CALCOCO1: variants seen among roughly 807,000 people sequenced by gnomAD.
CALCOCO1 encodes calcium-binding and coiled-coil domain-containing protein 1.
A neutral mutation model predicts 86.3 loss-of-function variants in CALCOCO1; 44 were observed. That is an observed-to-expected ratio of 0.51 (90% CI 0.40 to 0.66). The LOEUF (loss-of-function observed/expected upper bound fraction) is 0.66, where lower values mean the gene tolerates loss of function less well. Ranked by LOEUF, CALCOCO1 falls within the 30% of genes least tolerant of loss-of-function variation. The pLI is 0.00. For synonymous variants in CALCOCO1, 297 were observed against 327.6 expected, an observed-to-expected ratio of 0.91 and a Z score of 1.01; for missense variants, 708 against 851.1, an observed-to-expected ratio of 0.83 and a Z score of 2.09.
chr12:53,721,639 G>A (rs760577243), intron 5 of CALCOCO1, 24 bp from the exon 6 acceptor site: 4 of 1,613,814 alleles, frequency 2.5e-6, no homozygotes, highest in Non-Finnish European at 2.5e-6. Context: ...TCCCCCAGAA[G>A]AAAAGGGAGG....
chr12:53,727,031 TCCTCCCCA>T lies in CALCOCO1; in HGVS notation c.-25+365_-25+372del, dbSNP rs1946052974. Reference sequence around the variant, plus strand: ...ATTCTACACCTTGGAAGGTCCCCCTTCCTCCCCAGGGATTCAGCGTCGTAAAGGCCTTT... The same window carrying T: ...ATTCTACACCTTGGAAGGTCCCCCTTGGGATTCAGCGTCGTAAAGGCCTTT... On this transcript the variant is annotated intron_variant, in intron 1 of 14. Coordinates refer to ENST00000550804, the MANE Select transcript of CALCOCO1 (RefSeq NM_020898.3). Among the ~76,000 whole-genome samples the T allele has an allele frequency of 2.0e-5, 3 of 151,994 alleles. No individual in the cohort carries two copies. The South Asian group carries it at 6.2e-4, about 32-fold the overall frequency.
rs1464957248 is a variant in CALCOCO1, at chr12:53,716,985, TA to T, written c.850-571del. On this transcript the variant is annotated intron_variant, in intron 7 of 14. Coordinates refer to ENST00000550804, the MANE Select transcript of CALCOCO1 (RefSeq NM_020898.3). ...GTCATTTCTTGCTTGGACTACTGAA[TA>T]ACTTCATAAATAGTTCATTCTCCAC... Among the ~76,000 whole-genome samples, 4 of 152,372 alleles carry T rather than the reference TA, an allele frequency of 2.6e-5. No homozygotes were observed. The East Asian group carries it at 7.7e-4, about 29-fold the overall frequency.
intron 6 of CALCOCO1, among the ~76,000 whole-genome samples, chr12:53,720,644 G>A (rs1472750742): frequency 1.3e-5 from 2 of 152,044 alleles, no homozygotes; most frequent in Non-Finnish European, 2.9e-5. Context: ...TATTACTTTG[G>A]GCCTTGGATA....
chr12:53,727,213 C>T (rs1441751111), intron 1 of CALCOCO1, among the ~76,000 whole-genome samples, 191 bp downstream of exon 1: 1 of 152,142 alleles, frequency 6.6e-6, no homozygotes, highest in Non-Finnish European at 1.5e-5. Flanking sequence ...CCCCCACCCC[C>T]AATCAGAGTC....
At chr12:53,712,847 C>T (rs768934816) in intron 14 of CALCOCO1, 13 of 1,456,116 alleles carry the variant, frequency 8.9e-6, no homozygotes, top group Non-Finnish European at 1.1e-5. Context: ...GAAGATGGTG[C>T]TAGAACAACA....
chr12:53,723,514 G>T, intron 4 of CALCOCO1, 79 bp downstream of exon 4: 1 of 1,455,792 alleles, frequency 6.9e-7, no homozygotes, highest in Non-Finnish European at 9.6e-7. Flanking sequence ...GATGAGGGGA[G>T]GGTAAGGTGG....
chr12:53,717,854 T>C (rs1233522711), intron 7 of CALCOCO1, among the ~76,000 whole-genome samples: 1 of 152,114 alleles, frequency 6.6e-6, no homozygotes, highest in Non-Finnish European at 1.5e-5. Flanking sequence ...TGAAACCCCA[T>C]CTCTACTAAA....
intron 10 of CALCOCO1, 62 bp from the exon 11 acceptor site, chr12:53,714,755 T>C: frequency 1.6e-6 from 2 of 1,226,660 alleles, no homozygotes; most frequent in East Asian, 4.7e-5. Flanking sequence ...ACCTGGACTC[T>C]GGGACCAGGA....
rs1489655321 is a variant in CALCOCO1, at chr12:53,716,410, C to T, written c.855G>A (p.Glu285=). ...VQADKEQSEA[E]LQVAQQENHH... ...GGTTCTCCTGTTGTGCCACTTGGAG[C>T]TCAGCCTGAGGGAAGTGGAAAGCAG... The change falls in exon 8 of 15, where the codon GAG becomes GAA. Residue 285 remains glutamate, a synonymous_variant. Coordinates refer to ENST00000550804, the MANE Select transcript of CALCOCO1 (RefSeq NM_020898.3). The T allele has an allele frequency of 1.2e-6, 2 of 1,614,052 alleles. No individual in the cohort carries two copies. Among genetic ancestry groups the T allele is most frequent in the Non-Finnish European group, 1.7e-6 (2 of 1,180,032 alleles).
Position 53,711,548 on chromosome 12 carries a change from GC to G in CALCOCO1, c.*395del. 1 of 300,880 alleles carries G rather than the reference GC, an allele frequency of 3.3e-6. No individual in the cohort carries two copies. Among genetic ancestry groups the G allele is most frequent in the Non-Finnish European group, 6.1e-6 (1 of 165,068 alleles). The allele number at this position is 300,880 out of a possible 1,614,324, so 18.6% of individuals were successfully genotyped here. A position where few individuals can be genotyped will look rare whatever the true frequency, so the allele number is the denominator to read the frequency against. On this transcript the variant is annotated 3_prime_UTR_variant, in exon 15 of 15. Transcript: ENST00000550804. ...AACTCCAAATAAGAGAGGGTAGGGT[GC>G]CCCAGGAATTGGCTTTGGGGCATCA... is the stretch of plus-strand genomic sequence containing the variant.
Position 53,711,254 on chromosome 12 carries a change from T to C in CALCOCO1, c.*690A>G, listed in dbSNP as rs61098175. 10,888 of 398,676 alleles carry C rather than the reference T, an allele frequency of 0.027. 913 individuals carry two copies. The highest frequency in any genetic ancestry group is 0.18 in the African/African-American group (8,815 of 48,544). 24.7% of individuals were successfully genotyped at this position (398,676 alleles called of 1,614,324 possible). ...ACCTGGGACCACTTGTTCCCCCCAT[T>C]CCTCACAGAAGGCACAAATACATTA... On this transcript the variant is annotated 3_prime_UTR_variant, in exon 15 of 15. Coordinates refer to ENST00000550804, the MANE Select transcript of CALCOCO1 (RefSeq NM_020898.3).
intron 6 of CALCOCO1, 142 bp from the exon 7 acceptor site, chr12:53,719,971 C>G: frequency 1.9e-6 from 1 of 535,242 alleles, no homozygotes; most frequent in Non-Finnish European, 3.3e-6. Flanking sequence ...CCCAAGCCAG[C>G]TGATCCAGTT....
At chr12:53,712,746 T>G in intron 14 of CALCOCO1, 7 of 1,239,306 alleles carry the variant, frequency 5.6e-6, no homozygotes, top group Non-Finnish European at 7.3e-6. Flanking sequence ...GTCACCTCCC[T>G]TCCTCCCCGG....
rs765794396 is a variant in CALCOCO1 at position 53,721,459 on chromosome 12, C to T, written c.758+8G>A. On this transcript the variant is annotated splice_region_variant and intron_variant, in intron 6 of 14. Coordinates refer to ENST00000550804, the MANE Select transcript of CALCOCO1 (RefSeq NM_020898.3). ...GAGGAAGTGACGGGGTCAGTGGACTCCCCTCACCTGTCCAGCTCCACTTCC... is the reference window on the plus strand; with the variant it reads ...GAGGAAGTGACGGGGTCAGTGGACTTCCCTCACCTGTCCAGCTCCACTTCC... The T allele has an allele frequency of 4.4e-6, 7 of 1,603,602 alleles. No individual in the cohort carries two copies. The highest frequency in any genetic ancestry group is 1.8e-5 in the Admixed American group (1 of 56,908).
rs374400908 is a variant in CALCOCO1 at position 53,723,789 on chromosome 12, G to T, written c.260-6C>A. The T allele has an allele frequency of 1.9e-6, 3 of 1,611,066 alleles. No homozygotes were observed. Among genetic ancestry groups the T allele is most frequent in the Non-Finnish European group, 2.5e-6 (3 of 1,177,790 alleles). ...TGGTTTGGGCAGGTAGCTGGCTGTG[G>T]GAAGAAGAATGGACCCAGGACCCCA... On this transcript the variant is annotated splice_region_variant and splice_polypyrimidine_tract_variant and intron_variant, in intron 3 of 14. Coordinates refer to ENST00000550804, the MANE Select transcript of CALCOCO1 (RefSeq NM_020898.3).
chr12:53,720,852 T>C (rs1001474383), intron 6 of CALCOCO1, among the ~76,000 whole-genome samples: 5 of 152,212 alleles, frequency 3.3e-5, no homozygotes, highest in Non-Finnish European at 7.3e-5. Context: ...GAAAGAAATT[T>C]ATTCTGTGTG....
At position 53,716,453 on chromosome 12, in the gene CALCOCO1, T is replaced by C. The variant is rs770971827; in HGVS notation, c.850-38A>G. 12 of 1,612,206 alleles carry C rather than the reference T, an allele frequency of 7.4e-6. No homozygotes were observed. In the Admixed American group the frequency reaches 2.0e-4, roughly 27 times the overall value. ...GAAAGCAGGTAAGGAAAGGGGTATG[T>C]GTGTTGGGGTGGCTCGGGAGGTGAA... On this transcript the variant is annotated intron_variant, in intron 7 of 14. Coordinates refer to ENST00000550804, the MANE Select transcript of CALCOCO1 (RefSeq NM_020898.3).
At chr12:53,724,245 C>T (rs749907336) in intron 3 of CALCOCO1, 8 of 399,202 alleles carry the variant, frequency 2.0e-5, no homozygotes, top group Non-Finnish European at 3.9e-5. Context: ...CCAGGCATCC[C>T]CTTTTACTGT....
rs903934625 is a variant in CALCOCO1 at position 53,708,608 on chromosome 12, T to A, written c.*3336A>T. 7 of 152,208 alleles carry A rather than the reference T, an allele frequency of 4.6e-5. No individual in the cohort carries two copies. Among genetic ancestry groups the A allele is most frequent in the African/African-American group, 1.7e-4 (7 of 41,454 alleles). The allele number at this position is 152,208 out of a possible 1,614,324, so 9.4% of individuals were successfully genotyped here. A position where few individuals can be genotyped will look rare whatever the true frequency, so the allele number is the denominator to read the frequency against. On this transcript the variant is annotated 3_prime_UTR_variant, in exon 15 of 15. Transcript: ENST00000550804. ...CATTACATATATTATTTTGTATGTATAAAACATTTCATTAAAATAACTTAA... is the reference window on the plus strand; with the variant it reads ...CATTACATATATTATTTTGTATGTAAAAAACATTTCATTAAAATAACTTAA...
Sources: gnomAD v4.1 joint callset for allele counts (sites outside exome capture counted in the v4.1 genomes callset) on GRCh38, gnomAD v4.1.1 for gene constraint, MANE v1.5 for transcripts, NCBI Gene and HGNC (gene_info 2026-07-23, HGNC 2026-07-21) for gene names.